The following LTAP1 variants were observed in gnomAD, a reference collection of about 807,000 sequenced individuals.
LTAP1 encodes lipid transport auxiliary protein 1, also known as HCV NS5A-transactivated protein 4.
the LTAP1 span, among the ~76,000 whole-genome samples, chr1:154,218,659 G>A: frequency 6.6e-6 from 1 of 152,224 alleles, no homozygotes; most frequent in Non-Finnish European, 1.5e-5. Flanking sequence ...TACCTGCTAT[G>A]TGTAGGCCCT....
chr1:154,216,221 C>A, the LTAP1 span, among the ~76,000 whole-genome samples: 1 of 152,156 alleles, frequency 6.6e-6, no homozygotes, highest in African/African-American at 2.4e-5. Flanking sequence ...AGTCCTCATA[C>A]ACTTCTTCAC....
chr1:154,207,328 C>A, the LTAP1 span: 1 of 836,200 alleles, frequency 1.2e-6, no homozygotes, highest in Non-Finnish European at 2.0e-6. Flanking sequence ...CTGGATACAA[C>A]GGGAACTTGG....
the LTAP1 span, chr1:154,208,635 G>A: frequency 1.3e-5 from 2 of 152,084 alleles, no homozygotes; most frequent in African/African-American, 4.8e-5. Flanking sequence ...TAGCTTGTAT[G>A]AGGTCACAAA....
chr1:154,215,688 T>C, the LTAP1 span, among the ~76,000 whole-genome samples: 1 of 152,310 alleles, frequency 6.6e-6, no homozygotes, highest in Admixed American at 6.5e-5. Context: ...ATAAATTTTT[T>C]GTTGTAACTT....
chr1:154,207,606 T>C, the LTAP1 span: 3 of 1,613,030 alleles, frequency 1.9e-6, no homozygotes, highest in South Asian at 2.2e-5. Context: ...CTTTGGCTGC[T>C]GACTGGTGAT....
chr1:154,218,072 G>C, the LTAP1 span, among the ~76,000 whole-genome samples: 1 of 152,170 alleles, frequency 6.6e-6, no homozygotes, highest in South Asian at 2.1e-4. Context: ...TAGGACTACA[G>C]GTATGAGCCA....
At chr1:154,211,516 T>C in the LTAP1 span, among the ~76,000 whole-genome samples, 1 of 149,544 alleles carries the variant, frequency 6.7e-6, no homozygotes, top group African/African-American at 2.5e-5. Flanking sequence ...TTTGTATTTT[T>C]AGTAGAGACA....
chr1:154,213,890 T>C, the LTAP1 span: 1 of 1,612,622 alleles, frequency 6.2e-7, no homozygotes, highest in South Asian at 1.1e-5. Context: ...AGGTAGCCCT[T>C]ACCAGAGGTA....
chr1:154,212,836 A>ATT, the LTAP1 span: 1 of 541,660 alleles, frequency 1.8e-6, no homozygotes, highest in South Asian at 2.1e-5. Flanking sequence ...TTATTTTTGT[A>ATT]TTTTTAGTAG....
the LTAP1 span, among the ~76,000 whole-genome samples, chr1:154,217,345 C>T: frequency 6.6e-6 from 1 of 152,018 alleles, no homozygotes; most frequent in Non-Finnish European, 1.5e-5. Context: ...ATGAACATAC[C>T]CCCTTCACCA....
At chr1:154,212,159 A>G in the LTAP1 span, 2 of 816,320 alleles carry the variant, frequency 2.5e-6, no homozygotes, top group Non-Finnish European at 2.1e-6. Flanking sequence ...GCCCGGCCGC[A>G]TCTGCTTTCT....
the LTAP1 span, chr1:154,214,512 C>G: frequency 6.2e-7 from 1 of 1,614,078 alleles, no homozygotes; most frequent in South Asian, 1.1e-5. Context: ...CTGCAAGGAG[C>G]TGGGGCTCAT....
At chr1:154,212,284 A>T in the LTAP1 span, 1 of 1,611,204 alleles carries the variant, frequency 6.2e-7, no homozygotes. Context: ...ACACTACTGT[A>T]CCAGCTCCCT....
At chr1:154,210,731 G>C in the LTAP1 span, among the ~76,000 whole-genome samples, 2 of 151,864 alleles carry the variant, frequency 1.3e-5, no homozygotes, top group Non-Finnish European at 2.9e-5. Flanking sequence ...CACCTGCCTC[G>C]GCCTCCCAGT....
chr1:154,217,215 C>T, the LTAP1 span, among the ~76,000 whole-genome samples: 1 of 152,166 alleles, frequency 6.6e-6, no homozygotes, highest in Non-Finnish European at 1.5e-5. Flanking sequence ...TCCCAAAGTG[C>T]TGGGATTACA....
chr1:154,208,751 A>C, the LTAP1 span, among the ~76,000 whole-genome samples: 2 of 152,064 alleles, frequency 1.3e-5, no homozygotes, highest in Admixed American at 1.3e-4. Context: ...CAAATCAAAC[A>C]TAATTTTTTG....
At chr1:154,219,420 G>C in the LTAP1 span, among the ~76,000 whole-genome samples, 1 of 152,174 alleles carries the variant, frequency 6.6e-6, no homozygotes, top group Non-Finnish European at 1.5e-5. Context: ...ATGAATGGTG[G>C]AATTAGATGA....
At chr1:154,212,281 T>C in the LTAP1 span, 6 of 1,609,650 alleles carry the variant, frequency 3.7e-6, no homozygotes, top group East Asian at 2.2e-5. Flanking sequence ...CCAACACTAC[T>C]GTACCAGCTC....
the LTAP1 span, chr1:154,220,092 G>T: frequency 1.4e-6 from 1 of 738,486 alleles, no homozygotes; most frequent in African/African-American, 1.8e-5. Flanking sequence ...TATGATGGGG[G>T]TGGATCTAAG....
Sources: allele counts gnomAD v4.1 joint callset (sites outside exome capture counted in the v4.1 genomes callset), GRCh38; gene constraint gnomAD v4.1.1; transcripts MANE v1.5; gene names NCBI Gene and HGNC (gene_info 2026-07-23, HGNC 2026-07-21).